Variants in PIK3C2G observed in about 807,000 individuals in gnomAD.
PIK3C2G encodes phosphatidylinositol 3-kinase C2 domain-containing subunit gamma.
Under a neutral mutation model 181.1 loss-of-function variants are expected in PIK3C2G, and 168 were observed. That is an observed-to-expected ratio of 0.93 (90% confidence interval 0.82 to 1.05). PIK3C2G has a LOEUF of 1.05. Among genes scored for constraint, PIK3C2G ranks in the 50% least tolerant of loss-of-function variants. PIK3C2G has a pLI of 0.00. For missense variants in PIK3C2G, 1,869 were observed against 1,732.8 expected (o/e 1.08, Z -1.40); for synonymous variants, 573 against 592.2 (o/e 0.97, Z 0.47).
At chr12:18,387,807 T>A (rs1356053485) in intron 14 of PIK3C2G, among the ~76,000 whole-genome samples, 1 of 152,234 alleles carries the variant, frequency 6.6e-6, no homozygotes, top group Non-Finnish European at 1.5e-5. Context: ...AATGTTTTTG[T>A]TAAATTAATG....
intron 9 of PIK3C2G, among the ~76,000 whole-genome samples, chr12:18,338,970 T>C (rs909255021): frequency 2.0e-5 from 3 of 152,030 alleles, no homozygotes; most frequent in Non-Finnish European, 4.4e-5. Context: ...AAGTGTCATG[T>C]TTGTATGGAT....
intron 24 of PIK3C2G, among the ~76,000 whole-genome samples, chr12:18,521,712 C>G (rs1210796190): frequency 1.3e-5 from 2 of 152,218 alleles, no homozygotes; most frequent in Non-Finnish European, 2.9e-5. Context: ...TAGCTCTATC[C>G]CAGTGTCGAC....
downstream of PIK3C2G, among the ~76,000 whole-genome samples, chr12:18,653,414 A>G (rs12371966): frequency 0.11 from 17,362 of 152,200 alleles, 1,113 homozygotes; most frequent in Middle Eastern, 0.2. Flanking sequence ...GAATACTCTC[A>G]ATGCAATGGG....
chr12:18,377,693 C>A (rs540398221), intron 13 of PIK3C2G, among the ~76,000 whole-genome samples: 1 of 152,220 alleles, frequency 6.6e-6, no homozygotes, highest in Admixed American at 6.5e-5. Flanking sequence ...ATATGAAAGT[C>A]TTTTTTTGTG....
At chr12:18,547,865 T>TTTTAGACCC (rs147337429) in intron 26 of PIK3C2G, among the ~76,000 whole-genome samples, 5,626 of 151,888 alleles carry the variant, frequency 0.037, 217 homozygotes, top group African/African-American at 0.099. Context: ...TGGGGAGGTA[T>TTTTAGACCC]TTTAGACCCT....
intron 24 of PIK3C2G, among the ~76,000 whole-genome samples, chr12:18,521,919 T>C (rs1942945428): frequency 1.3e-5 from 2 of 152,216 alleles, no homozygotes; most frequent in Admixed American, 1.3e-4. Context: ...GGTTGCACAG[T>C]TCCATGGAAA....
intron 31 of PIK3C2G, among the ~76,000 whole-genome samples, chr12:18,633,531 C>A (rs980137948): frequency 1.3e-5 from 2 of 152,146 alleles, no homozygotes; most frequent in Non-Finnish European, 2.9e-5. Context: ...GGGTCTGGGC[C>A]GTTAGTGATC....
intron 18 of PIK3C2G, among the ~76,000 whole-genome samples, chr12:18,474,835 T>G (rs928044126): frequency 3.9e-5 from 6 of 152,156 alleles, no homozygotes; most frequent in African/African-American, 1.4e-4. Context: ...AATGCCATTT[T>G]CTAAGAAATG....
intron 12 of PIK3C2G, among the ~76,000 whole-genome samples, chr12:18,370,096 T>A (rs552453937): frequency 6.6e-6 from 1 of 152,168 alleles, no homozygotes; most frequent in East Asian, 1.9e-4. Flanking sequence ...GAGAACCTGA[T>A]CATATAATTC....
intron 16 of PIK3C2G, among the ~76,000 whole-genome samples, chr12:18,420,459 G>C (rs1945420942): frequency 6.6e-6 from 1 of 152,104 alleles, no homozygotes; most frequent in Non-Finnish European, 1.5e-5. Context: ...AGATTTAGCT[G>C]TATTAAATTA....
chr12:18,650,324 TC>T (rs1950375664), downstream of PIK3C2G, among the ~76,000 whole-genome samples: 1 of 107,186 alleles, frequency 9.3e-6, no homozygotes, highest in Non-Finnish European at 1.8e-5. Context: ...TCTCTCTCTC[TC>T]TCTCTCTATA....
At chr12:18,251,138 T>A in intron 1 of PIK3C2G, among the ~76,000 whole-genome samples, 1 of 151,994 alleles carries the variant, frequency 6.6e-6, no homozygotes, top group Non-Finnish European at 1.5e-5. Context: ...AAATTTCGAC[T>A]ACAGTAAATT....
chr12:18,687,874 T>C, the PIK3C2G span, among the ~76,000 whole-genome samples: 1 of 152,142 alleles, frequency 6.6e-6, no homozygotes, highest in South Asian at 2.1e-4. Flanking sequence ...GAAGGTCAGG[T>C]ACATTTCTGT....
chr12:18,619,615 T>G (rs1426820528), intron 31 of PIK3C2G, among the ~76,000 whole-genome samples: 1 of 152,192 alleles, frequency 6.6e-6, no homozygotes, highest in Admixed American at 6.5e-5. Flanking sequence ...GATTTTTTCT[T>G]TGTCTTTGGA....
chr12:18,455,731 T>C (rs936244155), intron 18 of PIK3C2G, among the ~76,000 whole-genome samples: 1 of 152,108 alleles, frequency 6.6e-6, no homozygotes, highest in African/African-American at 2.4e-5. Flanking sequence ...CTCTGGGATC[T>C]CTTTTATAAG....
chr12:18,247,970 A>G (rs1261621401), exon 1 of PIK3C2G: 1 of 152,156 alleles, frequency 6.6e-6, no homozygotes, highest in Admixed American at 6.5e-5. Flanking sequence ...GAATCAAATT[A>G]TTGAGAATTG....
intron 26 of PIK3C2G, among the ~76,000 whole-genome samples, chr12:18,547,463 T>C (rs972949988): frequency 6.6e-6 from 1 of 151,990 alleles, no homozygotes; most frequent in African/African-American, 2.4e-5. Context: ...AGAGCCTTTA[T>C]AGTTTATTTA....
At chr12:18,506,433 A>G (rs1941842669) in intron 24 of PIK3C2G, among the ~76,000 whole-genome samples, 2 of 152,176 alleles carry the variant, frequency 1.3e-5, no homozygotes, top group African/African-American at 4.8e-5. Context: ...ACCAGTGAAG[A>G]GACTACTGCA....
At chr12:18,611,855 T>A (rs989656809) in intron 31 of PIK3C2G, among the ~76,000 whole-genome samples, 19 of 152,160 alleles carry the variant, frequency 1.2e-4, no homozygotes, top group Non-Finnish European at 2.8e-4. Context: ...CACCAGCATC[T>A]CTTACTTGAA....
Sources: allele counts gnomAD v4.1 joint callset (sites outside exome capture counted in the v4.1 genomes callset), GRCh38; gene constraint gnomAD v4.1.1; transcripts MANE v1.5; gene names NCBI Gene and HGNC (gene_info 2026-07-23, HGNC 2026-07-21).